Variants in HNRNPH2 observed in about 807,000 individuals in gnomAD.
HNRNPH2 encodes FTP-3.
For synonymous variants in HNRNPH2, 128 were observed against 128.2 expected, an observed-to-expected ratio of 1.00 and a Z score of 0.01; for missense variants, 115 against 352.9, an observed-to-expected ratio of 0.33 and a Z score of 5.40.
chrX:101,408,303 A>G lies in HNRNPH2; in HGVS notation c.-70A>G. 1 of 244,596 alleles carries G rather than the reference A, an allele frequency of 4.1e-6. No individual in the cohort carries two copies. Among genetic ancestry groups the G allele is most frequent in the South Asian group, 4.6e-5 (1 of 21,522 alleles). The allele number at this position is 244,596 out of a possible 1,213,427, so 20.2% of individuals were successfully genotyped here. A position where few individuals can be genotyped will look rare whatever the true frequency, so the allele number is the denominator to read the frequency against. On this transcript the variant is annotated 5_prime_UTR_variant, in exon 1 of 2. Coordinates refer to ENST00000316594, the MANE Select transcript of HNRNPH2 (RefSeq NM_019597.5). ...GTTTGAGGGAAGAAGGAGGAAAATT[A>G]CCCGGTATCGTTAGAGGTTGGTGTG...
chrX:101,408,577 G>A (rs1279947258), intron 1 of HNRNPH2, among the ~76,000 whole-genome samples: 1 of 111,004 alleles, frequency 9.0e-6, no homozygotes, highest in Non-Finnish European at 1.9e-5. Flanking sequence ...AAGGGTGACC[G>A]TAAGGCGAAA....
intron 1 of HNRNPH2, among the ~76,000 whole-genome samples, chrX:101,411,229 A>T (rs1349293654): frequency 1.8e-5 from 2 of 110,140 alleles, no homozygotes; most frequent in Non-Finnish European, 3.8e-5. Flanking sequence ...GATTTTATTG[A>T]TTTGCATACA....
chrX:101,410,383 A>G (rs1232761011), intron 1 of HNRNPH2, among the ~76,000 whole-genome samples: 3 of 112,427 alleles, frequency 2.7e-5, no homozygotes, highest in African/African-American at 9.7e-5. Context: ...TGTGAACTGC[A>G]TAGCACTGAT....
rs1928865667 is a variant in HNRNPH2, at chrX:101,413,363, A to T, written c.*25A>T. 2 of 1,122,059 alleles carry T rather than the reference A, an allele frequency of 1.8e-6. No individual in the cohort carries two copies. Among genetic ancestry groups the T allele is most frequent in the South Asian group, 4.3e-5 (2 of 46,932 alleles). The allele number at this position is 1,122,059 out of a possible 1,213,427, so 92.5% of individuals were successfully genotyped here. ...GGTAGAGAAGGAGCACTAAATAGCT[A>T]CTCCAGATATAAAAGCTGTACATTT... On this transcript the variant is annotated 3_prime_UTR_variant, in exon 2 of 2. Coordinates refer to ENST00000316594, the MANE Select transcript of HNRNPH2 (RefSeq NM_019597.5).
In HNRNPH2 at chrX:101,413,493, A is replaced by T. The variant is rs1928872784; in HGVS notation, c.*155A>T. 1 of 438,850 alleles carries T rather than the reference A, an allele frequency of 2.3e-6. No homozygotes were observed. The highest frequency in any genetic ancestry group is 3.8e-6 in the Non-Finnish European group (1 of 264,907). 36.2% of individuals were successfully genotyped at this position (438,850 alleles called of 1,213,427 possible). A position where few individuals can be genotyped will look rare whatever the true frequency, so the allele number is the denominator to read the frequency against. Reference sequence around the variant, plus strand: ...ACTCTTGGTCAGCTTCTCTTTCTTTATCTTTCTTTCTCCTTTTTTAAGAAA... The same window carrying T: ...ACTCTTGGTCAGCTTCTCTTTCTTTTTCTTTCTTTCTCCTTTTTTAAGAAA... On this transcript the variant is annotated 3_prime_UTR_variant, in exon 2 of 2. Transcript: ENST00000316594.
At chrX:101,408,990 C>CA (rs1928672619) in intron 1 of HNRNPH2, among the ~76,000 whole-genome samples, 1 of 111,059 alleles carries the variant, frequency 9.0e-6, no homozygotes, top group Non-Finnish European at 1.9e-5. Flanking sequence ...TCTTAACTCA[C>CA]AAAGAGTCCT....
chrX:101,412,255 C>T lies in HNRNPH2; in HGVS notation c.267C>T (p.Asn89=). The T allele has an allele frequency of 1.7e-6, 2 of 1,211,783 alleles. No individual in the cohort carries two copies. The highest frequency in any genetic ancestry group is 2.3e-4 in the Middle Eastern group (1 of 4,355). The change falls in exon 2 of 2, where the codon AAC becomes AAT. Residue 89 remains asparagine (N), a synonymous_variant. Transcript: ENST00000316594. ...GHRYVEVFKS[N]SVEMDWVLKH... ...GATACGTTGAAGTATTCAAGTCTAA[C>T]AGTGTTGAAATGGATTGGGTGTTGA...
In HNRNPH2 at chrX:101,412,584, G is replaced by A. The variant is rs1273662044; in HGVS notation, c.596G>A (p.Arg199Gln). The A allele has an allele frequency of 8.3e-7, 1 of 1,211,885 alleles. No homozygotes were observed. Among genetic ancestry groups the A allele is most frequent in the Non-Finnish European group, 1.1e-6 (1 of 895,464 alleles). Residue 199 changes from arginine (R) to glutamine (Q), a missense_variant, in exon 2 of 2, where the codon CGA becomes CAA. By Grantham distance (43) the Arg-to-Gln change is conservative. Transcript: ENST00000316594. ...GTTCGAACCCACTATGATCCCCCTCGAAAGCTCATGGCTATGCAGCGGCCA... is the reference window on the plus strand; with the variant it reads ...GTTCGAACCCACTATGATCCCCCTCAAAAGCTCATGGCTATGCAGCGGCCA... ...AEVRTHYDPPRKLMAMQRPGP... is the reference protein window; with the variant it reads ...AEVRTHYDPPQKLMAMQRPGP...
Position 101,412,495 on chromosome X carries a change from A to G in HNRNPH2, c.507A>G (p.Leu169=). The stretch of plus-strand genomic sequence containing the variant: ...CACAGGAGATAGCTGAGAAGGCCTT[A>G]AAGAAACACAAGGAAAGAATAGGGC... ...FASQEIAEKA[L]KKHKERIGHR... The change falls in exon 2 of 2, where the codon TTA becomes TTG. Residue 169 remains leucine, a synonymous_variant. Coordinates refer to ENST00000316594, the MANE Select transcript of HNRNPH2 (RefSeq NM_019597.5). The G allele has an allele frequency of 8.3e-7, 1 of 1,211,936 alleles. No individual in the cohort carries two copies. The highest frequency in any genetic ancestry group is 3.0e-5 in the East Asian group (1 of 33,845).
At chrX:101,408,940 T>G (rs1166143009) in intron 1 of HNRNPH2, among the ~76,000 whole-genome samples, 1 of 111,970 alleles carries the variant, frequency 8.9e-6, no homozygotes, top group African/African-American at 3.2e-5. Context: ...CGTTACAGTT[T>G]TTTAAAAAAT....
In HNRNPH2 at chrX:101,413,146, G is replaced by A; in HGVS notation, c.1158G>A (p.Gly386=). The change falls in exon 2 of 2, where the codon GGG becomes GGA. Residue 386 remains glycine (G), a synonymous_variant. Coordinates refer to ENST00000316594, the MANE Select transcript of HNRNPH2 (RefSeq NM_019597.5). The stretch of plus-strand genomic sequence containing the variant: ...AACTTTTTTTGAATTCTACAGCAGG[G>A]GCAAGTGGTGGCGCTTATGGTAGCC... The part of the protein sequence containing the change: ...YVELFLNSTA[G]ASGGAYGSQM... 8.3e-7 allele frequency: 1 copy of A among 1,211,529 alleles called. No homozygotes were observed. The highest frequency in any genetic ancestry group is 1.8e-5 in the South Asian group (1 of 56,986).
chrX:101,411,404 A>ATTTTTTTTT (rs782617767), intron 1 of HNRNPH2, among the ~76,000 whole-genome samples: 2 of 48,965 alleles, frequency 4.1e-5, no homozygotes, highest in Non-Finnish European at 6.9e-5. Context: ...GTTGCTGTTA[A>ATTTTTTTTT]TTTTTTTTTT....
intron 1 of HNRNPH2, among the ~76,000 whole-genome samples, chrX:101,410,450 T>G (rs906961771): frequency 3.6e-5 from 4 of 112,522 alleles, no homozygotes; most frequent in African/African-American, 1.3e-4. Context: ...CGATTAGTTC[T>G]GATTTTAACT....
chrX:101,413,081 G>A lies in HNRNPH2; in HGVS notation c.1093G>A (p.Ala365Thr), dbSNP rs1555988518. Residue 365 changes from alanine to threonine, a missense_variant, in exon 2 of 2, where the codon GCA becomes ACA. Physicochemically the swap from Ala to Thr is moderately conservative, Grantham distance 58 (BLOSUM62 0). Coordinates refer to ENST00000316594, the MANE Select transcript of HNRNPH2 (RefSeq NM_019597.5). ...RYVELFLNST[A>T]GTSGGAYDHS... ...TGTGGAGCTCTTCTTAAATTCTACT[G>A]CAGGAACAAGTGGGGGTGCTTACGA... The A allele has an allele frequency of 3.3e-6, 4 of 1,210,373 alleles. No individual in the cohort carries two copies. The African/African-American group carries it at 7.0e-5, about 21-fold the overall frequency.
intron 1 of HNRNPH2, among the ~76,000 whole-genome samples, chrX:101,409,203 T>C (rs1892847185): frequency 9.0e-6 from 1 of 111,349 alleles, no homozygotes; most frequent in Non-Finnish European, 1.9e-5. Context: ...TGTAAATCTG[T>C]CACTGAGACC....
intron 1 of HNRNPH2, among the ~76,000 whole-genome samples, chrX:101,408,607 C>G (rs1555987453): frequency 9.0e-6 from 1 of 110,881 alleles, no homozygotes; most frequent in Non-Finnish European, 1.9e-5. Flanking sequence ...AAACCACGGC[C>G]CTGAGTTAAG....
In HNRNPH2 at chrX:101,409,398, A is replaced by G. The variant is rs1335781826; in HGVS notation, c.-54+1079A>G. Among the ~76,000 whole-genome samples, 9 of 112,318 alleles carry G rather than the reference A, an allele frequency of 8.0e-5. No homozygotes were observed. In the East Asian group the frequency reaches 2.5e-3, roughly 31 times the overall value. On this transcript the variant is annotated intron_variant, in intron 1 of 1. Transcript: ENST00000316594. Reference sequence around the variant, plus strand: ...CATTTCAGATAAACCATCCACATACAAAATTAGAAAATTTTATAAAATTTC... The same window carrying G: ...CATTTCAGATAAACCATCCACATACGAAATTAGAAAATTTTATAAAATTTC...
chrX:101,411,853 T>G, intron 1 of HNRNPH2, 83 bp from the exon 2 acceptor site: 1 of 1,000,146 alleles, frequency 1.0e-6, no homozygotes, highest in Non-Finnish European at 1.3e-6. Flanking sequence ...CATAATTGAA[T>G]TTTCTATTAA....
At chrX:101,410,557 G>T (rs1157897095) in intron 1 of HNRNPH2, among the ~76,000 whole-genome samples, 2 of 111,958 alleles carry the variant, frequency 1.8e-5, no homozygotes, top group Admixed American at 9.5e-5. Flanking sequence ...ATCAAGTCCC[G>T]CAGATTCCAC....
Sources: allele counts gnomAD v4.1 joint callset (sites outside exome capture counted in the v4.1 genomes callset), GRCh38; gene constraint gnomAD v4.1.1; transcripts MANE v1.5; gene names NCBI Gene and HGNC (gene_info 2026-07-23, HGNC 2026-07-21).